The following KIAA1958 variants were observed in gnomAD, a reference collection of about 807,000 sequenced individuals.
KIAA1958 encodes the protein uncharacterized protein KIAA1958.
A neutral mutation model predicts 47.2 loss-of-function variants in KIAA1958; 14 were observed. The ratio of observed to expected loss-of-function variants is 0.30; its 90% confidence interval spans 0.20 to 0.46. The LOEUF is 0.46. Among genes scored for constraint, KIAA1958 ranks in the 20% least tolerant of loss-of-function variants. The probability of loss-of-function intolerance (pLI) is 1.00; values close to 1 mark genes in which losing one functional copy is unlikely to be tolerated. For missense variants in KIAA1958, 803 were observed against 909.2 expected (o/e 0.88, Z 1.50); for synonymous variants, 354 against 353.3 (o/e 1.00, Z -0.02).
At chr9:112,581,579 G>A (rs1257734508) in intron 2 of KIAA1958, among the ~76,000 whole-genome samples, 4 of 152,206 alleles carry the variant, frequency 2.6e-5, no homozygotes, top group East Asian at 3.9e-4. Flanking sequence ...GTGCAGGAGC[G>A]GAGATTAATA....
intron 1 of KIAA1958, among the ~76,000 whole-genome samples, chr9:112,495,987 A>G (rs1834046293): frequency 6.6e-6 from 1 of 152,192 alleles, no homozygotes; most frequent in African/African-American, 2.4e-5. Context: ...TTACTGACAA[A>G]CTTGAGTGAG....
chr9:112,605,651 C>T (rs150670077), intron 2 of KIAA1958, among the ~76,000 whole-genome samples: 169 of 152,268 alleles, frequency 1.1e-3, no homozygotes, highest in African/African-American at 3.7e-3. Flanking sequence ...AGTGGGCTTT[C>T]AAAACCTGTC....
At chr9:112,612,445 A>T (rs1480492216) in intron 2 of KIAA1958, among the ~76,000 whole-genome samples, 1 of 152,184 alleles carries the variant, frequency 6.6e-6, no homozygotes, top group Non-Finnish European at 1.5e-5. Flanking sequence ...ACTAAATATG[A>T]ATATAAATAT....
At chr9:112,565,613 A>C (rs938408658) in intron 1 of KIAA1958, among the ~76,000 whole-genome samples, 1 of 152,230 alleles carries the variant, frequency 6.6e-6, no homozygotes, top group East Asian at 1.9e-4. Context: ...GAATTTAAAA[A>C]ATACCTTGAT....
chr9:112,591,320 A>G (rs1464940000), intron 2 of KIAA1958, among the ~76,000 whole-genome samples: 1 of 151,920 alleles, frequency 6.6e-6, no homozygotes, highest in Non-Finnish European at 1.5e-5. Context: ...TCCTGACCTC[A>G]TGATCCGCCC....
At chr9:112,638,282 A>C (rs1836839504) in intron 2 of KIAA1958, among the ~76,000 whole-genome samples, 1 of 152,186 alleles carries the variant, frequency 6.6e-6, no homozygotes, top group African/African-American at 2.4e-5. Flanking sequence ...AGGCAGGCAA[A>C]TCGGTTGAAG....
intron 2 of KIAA1958, among the ~76,000 whole-genome samples, chr9:112,616,897 A>G (rs1019405150): frequency 1.3e-5 from 2 of 152,248 alleles, no homozygotes; most frequent in Non-Finnish European, 2.9e-5. Flanking sequence ...TTCTCAAAAT[A>G]TATTCTCTCA....
chr9:112,619,722 G>A (rs1235253419), intron 2 of KIAA1958, among the ~76,000 whole-genome samples: 2 of 152,034 alleles, frequency 1.3e-5, no homozygotes, highest in African/African-American at 2.4e-5. Context: ...TTGTCCCTAA[G>A]AAATGGGTAT....
intron 1 of KIAA1958, among the ~76,000 whole-genome samples, chr9:112,545,125 G>C (rs1353169632): frequency 2.0e-5 from 3 of 152,096 alleles, no homozygotes; most frequent in Non-Finnish European, 4.4e-5. Flanking sequence ...GAATCATCAT[G>C]ACCTTTTAAA....
Position 112,618,505 on chromosome 9 carries a change from C to T in KIAA1958, c.1172-27145C>T, listed in dbSNP as rs142182888. On this transcript the variant is annotated intron_variant, in intron 2 of 3. Coordinates refer to ENST00000337530, the MANE Select transcript of KIAA1958 (RefSeq NM_133465.4). The surrounding 1 kb of genome is among the most constrained non-coding windows in gnomAD (Gnocchi z 7.1). The stretch of plus-strand genomic sequence containing the variant: ...CCAAAACCAAGAGAGGGGGGACAGA[C>T]TCCCGTGTGTATGCCACCCAGCACG... The T allele has an allele frequency of 6.4e-7, 1 of 1,550,738 alleles. No individual in the cohort carries two copies.
chr9:112,538,721 A>T (rs1020741714), intron 1 of KIAA1958, among the ~76,000 whole-genome samples: 1 of 152,234 alleles, frequency 6.6e-6, no homozygotes, highest in Non-Finnish European at 1.5e-5. Flanking sequence ...GCATTTCAGT[A>T]TATCCTTAAG....
intron 1 of KIAA1958, among the ~76,000 whole-genome samples, chr9:112,520,087 A>C (rs545512375): frequency 1.3e-5 from 2 of 152,190 alleles, no homozygotes; most frequent in African/African-American, 2.4e-5. Flanking sequence ...GTTCTTTGTC[A>C]TTTTACACTG....
intron 2 of KIAA1958, among the ~76,000 whole-genome samples, chr9:112,639,547 G>A (rs1362308212): frequency 6.6e-6 from 1 of 152,138 alleles, no homozygotes; most frequent in Non-Finnish European, 1.5e-5. Flanking sequence ...TTCACACAGG[G>A]CCTCTCCCCA....
chr9:112,606,281 G>A (rs1423418672), intron 2 of KIAA1958, among the ~76,000 whole-genome samples: 3 of 152,070 alleles, frequency 2.0e-5, no homozygotes, highest in Non-Finnish European at 2.9e-5. Context: ...AGGCTTTTGG[G>A]TACATAGGTT....
chr9:112,655,545 G>T (rs1588055734), intron 3 of KIAA1958, among the ~76,000 whole-genome samples: 2 of 152,208 alleles, frequency 1.3e-5, no homozygotes, highest in Non-Finnish European at 2.9e-5. Context: ...CACAGGTGCC[G>T]CTGCTCACCA....
chr9:112,577,694 A>T (rs1188469985), intron 2 of KIAA1958, among the ~76,000 whole-genome samples: 1 of 152,088 alleles, frequency 6.6e-6, no homozygotes, highest in African/African-American at 2.4e-5. Context: ...GTGGATAGTA[A>T]ATGAGGCACT....
At chr9:112,641,168 G>A (rs1836882584) in intron 2 of KIAA1958, among the ~76,000 whole-genome samples, 1 of 152,052 alleles carries the variant, frequency 6.6e-6, no homozygotes, top group Admixed American at 6.5e-5. Context: ...GCAAATATCT[G>A]TAACTAATTT....
At chr9:112,537,446 A>C (rs1419868267) in intron 1 of KIAA1958, among the ~76,000 whole-genome samples, 4 of 152,254 alleles carry the variant, frequency 2.6e-5, no homozygotes, top group Non-Finnish European at 4.4e-5. Context: ...GTTCATATCT[A>C]GAATCTTTAA....
chr9:112,516,959 C>T (rs545088717), intron 1 of KIAA1958, among the ~76,000 whole-genome samples: 7 of 152,138 alleles, frequency 4.6e-5, no homozygotes, highest in African/African-American at 7.2e-5. Context: ...GTTACAACTC[C>T]GTGTTTGCCT....
Sources: allele counts gnomAD v4.1 joint callset (sites outside exome capture counted in the v4.1 genomes callset), GRCh38; gene constraint gnomAD v4.1.1; non-coding constraint Gnocchi (gnomAD v3.1); transcripts MANE v1.5; gene names NCBI Gene and HGNC (gene_info 2026-07-23, HGNC 2026-07-21).